Variants in CFAP54 observed in about 807,000 individuals in gnomAD.
The protein encoded by CFAP54 is cilia and flagella associated protein 54.
In CFAP54, 290 loss-of-function variants were observed where a neutral mutation model predicts 370.4. The ratio of observed to expected loss-of-function variants is 0.78; its 90% CI spans 0.71 to 0.86. CFAP54 has a LOEUF of 0.86. CFAP54 is among the 40% of genes least tolerant of loss of function. The probability of loss-of-function intolerance (pLI) is 0.00; values close to 1 mark genes in which losing one functional copy is unlikely to be tolerated. For missense variants in CFAP54, 3,399 were observed against 3,528.7 expected (o/e 0.96, Z 0.93); for synonymous variants, 1,206 against 1,236.5 (o/e 0.98, Z 0.52).
chr12:96,531,914 T>A (rs1955443859), intron 9 of CFAP54, among the ~76,000 whole-genome samples: 1 of 152,016 alleles, frequency 6.6e-6, no homozygotes, highest in Non-Finnish European at 1.5e-5. Flanking sequence ...TTAGTAGAGA[T>A]GGGGTTCCAC....
chr12:96,859,120 A>G (rs1000832284), intron 66 of CFAP54, among the ~76,000 whole-genome samples: 1 of 152,138 alleles, frequency 6.6e-6, no homozygotes, highest in African/African-American at 2.4e-5. Context: ...TGACCATCTG[A>G]TTTTCAACAG....
chr12:96,526,655 T>C (rs1327021397), intron 8 of CFAP54, among the ~76,000 whole-genome samples: 1 of 152,184 alleles, frequency 6.6e-6, no homozygotes. Context: ...CATATGGAGA[T>C]ATATGCTTGC....
Position 96,784,701 on chromosome 12 carries a change from A to G in CFAP54, c.8282-16A>G, listed in dbSNP as rs1299968048. The G allele has an allele frequency of 2.0e-6, 3 of 1,484,474 alleles. No homozygotes were observed. The highest frequency in any genetic ancestry group is 1.4e-5 in the African/African-American group (1 of 70,548). 92.0% of individuals were successfully genotyped at this position (1,484,474 alleles called of 1,614,324 possible). A position where few individuals can be genotyped will look rare whatever the true frequency, so the allele number is the denominator to read the frequency against. The stretch of plus-strand genomic sequence containing the variant: ...AATATAATATTGTATTACAAAAAAA[A>G]GTTTTTCACTTTCAGACAACTACCA... On this transcript the variant is annotated splice_polypyrimidine_tract_variant and intron_variant, in intron 60 of 67. Transcript: ENST00000524981.
intron 63 of CFAP54, among the ~76,000 whole-genome samples, chr12:96,805,634 G>A (rs1401620935): frequency 1.3e-5 from 2 of 151,458 alleles, no homozygotes; most frequent in African/African-American, 4.8e-5. Flanking sequence ...TTATAACACT[G>A]TTGGTGGGAA....
At chr12:96,656,003 G>A (rs1046417274) in intron 36 of CFAP54, among the ~76,000 whole-genome samples, 1 of 151,994 alleles carries the variant, frequency 6.6e-6, no homozygotes, top group African/African-American at 2.4e-5. Flanking sequence ...AAATAATGGG[G>A]GAAGTGAGTA....
intron 30 of CFAP54, among the ~76,000 whole-genome samples, chr12:96,627,456 A>G (rs1298481152): frequency 2.6e-5 from 4 of 152,228 alleles, no homozygotes; most frequent in Admixed American, 6.5e-5. Context: ...CAATTATGAG[A>G]CATGCCAAAT....
chr12:96,742,708 A>G (rs1221336680), intron 52 of CFAP54, 122 bp downstream of exon 52: 3 of 981,176 alleles, frequency 3.1e-6, no homozygotes, highest in Non-Finnish European at 4.4e-6. Flanking sequence ...ATCTGCTTAT[A>G]GAATTAAAAA....
intron 14 of CFAP54, 106 bp from the exon 15 acceptor site, chr12:96,547,796 C>T: frequency 4.7e-6 from 2 of 423,844 alleles, no homozygotes; most frequent in Non-Finnish European, 8.2e-6. Flanking sequence ...GTTTCCTCCT[C>T]ACTCTTGCCC....
chr12:96,592,815 G>A (rs1956140101), intron 24 of CFAP54, among the ~76,000 whole-genome samples, 178 bp downstream of exon 24: 1 of 151,934 alleles, frequency 6.6e-6, no homozygotes, highest in East Asian at 1.9e-4. Context: ...CTGAGTTCAT[G>A]TTTTTTTCTC....
chr12:96,492,168 CTG>C (rs772908459), intron 1 of CFAP54, among the ~76,000 whole-genome samples: 1 of 152,236 alleles, frequency 6.6e-6, no homozygotes, highest in Non-Finnish European at 1.5e-5. Flanking sequence ...TGCAGCCACT[CTG>C]TCTCCAATCT....
chr12:96,759,566 T>C lies in CFAP54; in HGVS notation c.8040+1978T>C, dbSNP rs555611330. ...CCAATTTAAAAAATTCATGCAGACATATTCAGACCATGGAAATATAACATT... is the reference window on the plus strand; with the variant it reads ...CCAATTTAAAAAATTCATGCAGACACATTCAGACCATGGAAATATAACATT... On this transcript the variant is annotated intron_variant, in intron 58 of 67. Transcript: ENST00000524981. 2.6e-5 allele frequency among the ~76,000 whole-genome samples: 4 copies of C among 152,370 alleles called. No homozygotes were observed. In the South Asian group the frequency reaches 8.3e-4, roughly 32 times the overall value.
chr12:96,494,373 T>C (rs1954924157), intron 1 of CFAP54, among the ~76,000 whole-genome samples: 2 of 152,146 alleles, frequency 1.3e-5, no homozygotes, highest in African/African-American at 2.4e-5. Context: ...CAATCTCAGC[T>C]CACTGCAACC....
At chr12:96,548,051 G>A in intron 15 of CFAP54, 73 bp downstream of exon 15, 1 of 611,688 alleles carries the variant, frequency 1.6e-6, no homozygotes, top group Non-Finnish European at 2.7e-6. Flanking sequence ...ATTTGTAAAT[G>A]CATAATGGTT....
intron 62 of CFAP54, among the ~76,000 whole-genome samples, chr12:96,790,983 A>T (rs1407744162): frequency 6.6e-6 from 1 of 152,234 alleles, no homozygotes; most frequent in Non-Finnish European, 1.5e-5. Flanking sequence ...AGGCTCAGAA[A>T]TAATGGGAGG....
At chr12:96,820,944 C>T (rs2136740899) in intron 65 of CFAP54, among the ~76,000 whole-genome samples, 1 of 152,218 alleles carries the variant, frequency 6.6e-6, no homozygotes, top group South Asian at 2.1e-4. Context: ...CTATCTGGTT[C>T]ATATATGGAA....
At chr12:96,658,517 G>A (rs532815014) in intron 38 of CFAP54, among the ~76,000 whole-genome samples, 171 bp downstream of exon 38, 32 of 152,100 alleles carry the variant, frequency 2.1e-4, no homozygotes, top group Non-Finnish European at 2.9e-4. Context: ...TGCAGTCAAG[G>A]CAAACAGGAA....
chr12:96,684,568 A>G, intron 40 of CFAP54, 80 bp from the exon 41 acceptor site: 2 of 1,127,986 alleles, frequency 1.8e-6, no homozygotes, highest in South Asian at 1.3e-5. Context: ...GGAATAGTGC[A>G]GTTTAAAAAA....
chr12:96,493,478 T>TAAAC (rs1954909339), intron 1 of CFAP54, among the ~76,000 whole-genome samples: 1 of 152,188 alleles, frequency 6.6e-6, no homozygotes, highest in Non-Finnish European at 1.5e-5. Context: ...AACTAGACAA[T>TAAAC]AAACATCAAT....
At chr12:96,585,037 CTCTTT>C (rs1956063714) in intron 22 of CFAP54, among the ~76,000 whole-genome samples, 1 of 59,988 alleles carries the variant, frequency 1.7e-5, no homozygotes, top group African/African-American at 6.1e-5. Flanking sequence ...CTCTCTCTCT[CTCTTT>C]TTTTTTTTTT....
Sources: gnomAD v4.1 joint callset for allele counts (sites outside exome capture counted in the v4.1 genomes callset) on GRCh38, gnomAD v4.1.1 for gene constraint, MANE v1.5 for transcripts, NCBI Gene and HGNC (gene_info 2026-07-23, HGNC 2026-07-21) for gene names.